DPF3: variants seen among roughly 807,000 people sequenced by gnomAD.
DPF3 encodes double PHD fingers 3.
DPF3 carries 18 observed loss-of-function variants against 56.8 expected under a neutral mutation model. The observed-to-expected ratio is 0.32, with a 90% CI of 0.22 to 0.47. The LOEUF (loss-of-function observed/expected upper bound fraction) is 0.47, where lower values mean the gene tolerates loss of function less well. DPF3 is among the 20% of genes least tolerant of loss of function. The pLI, the probability that DPF3 is intolerant of heterozygous loss-of-function variation, is 1.00. For missense variants in DPF3, 403 were observed against 488.8 expected, an observed-to-expected ratio of 0.82 and a Z score of 1.65; for synonymous variants, 188 against 180.2, an observed-to-expected ratio of 1.04 and a Z score of -0.35.
chr14:72,878,545 C>T (rs1886203294), intron 1 of DPF3, among the ~76,000 whole-genome samples: 1 of 152,198 alleles, frequency 6.6e-6, no homozygotes, highest in Non-Finnish European at 1.5e-5. Flanking sequence ...CATTACAGTG[C>T]TTTGCATCTT....
chr14:72,885,694 T>C (rs4903077), intron 1 of DPF3, among the ~76,000 whole-genome samples: 143,691 of 152,236 alleles, frequency 0.94, 67,926 homozygotes, highest in East Asian at 1. Flanking sequence ...TGAGCCTAGC[T>C]TAGTCCCTAG....
intron 1 of DPF3, among the ~76,000 whole-genome samples, chr14:72,855,421 G>C (rs565723039): frequency 6.6e-6 from 1 of 152,304 alleles, no homozygotes; most frequent in East Asian, 1.9e-4. Flanking sequence ...TACAGAAAAA[G>C]TAACTAAGGC....
intron 3 of DPF3, among the ~76,000 whole-genome samples, chr14:72,737,516 C>A (rs1194981270): frequency 1.3e-5 from 2 of 152,182 alleles, no homozygotes; most frequent in Non-Finnish European, 2.9e-5. Flanking sequence ...GCTCCCCAAG[C>A]CTCTGACTCC....
intron 1 of DPF3, among the ~76,000 whole-genome samples, chr14:72,866,926 A>G (rs1885696938): frequency 6.7e-6 from 1 of 149,558 alleles, no homozygotes; most frequent in Non-Finnish European, 1.5e-5. Context: ...TGCCTAGCCC[A>G]CTGGTACTCA....
intron 1 of DPF3, among the ~76,000 whole-genome samples, chr14:72,871,338 C>T (rs1398487207): frequency 6.6e-6 from 1 of 152,208 alleles, no homozygotes; most frequent in Non-Finnish European, 1.5e-5. Flanking sequence ...TAATTCATTT[C>T]AGCATTAACC....
chr14:72,619,767 G>A lies in DPF3; in HGVS notation c.1066+136C>T, dbSNP rs568101981. Reference sequence around the variant, plus strand: ...GCAGTCGTCGTACCTACCTTGTGGGGTTGTGATGATTAAATGAGACAAGAC... The same window carrying A: ...GCAGTCGTCGTACCTACCTTGTGGGATTGTGATGATTAAATGAGACAAGAC... On this transcript the variant is annotated intron_variant, in intron 10 of 10. Transcript: ENST00000556509. 75 of 846,340 alleles carry A rather than the reference G, an allele frequency of 8.9e-5. No homozygotes were observed. The South Asian group carries it at 1.7e-3, about 19-fold the overall frequency. 52.4% of individuals were successfully genotyped at this position (846,340 alleles called of 1,614,324 possible). A position where few individuals can be genotyped will look rare whatever the true frequency, so the allele number is the denominator to read the frequency against.
At chr14:72,745,841 T>C (rs1040227966) in intron 3 of DPF3, among the ~76,000 whole-genome samples, 1 of 152,038 alleles carries the variant, frequency 6.6e-6, no homozygotes, top group African/African-American at 2.4e-5. Context: ...GGAATAAAAA[T>C]AAGAGATAGT....
intron 1 of DPF3, among the ~76,000 whole-genome samples, chr14:72,889,534 CA>C (rs1478940975): frequency 1.3e-5 from 2 of 152,168 alleles, no homozygotes; most frequent in Non-Finnish European, 2.9e-5. Context: ...AGTACCTACC[CA>C]CATCCCCCCA....
intron 1 of DPF3, among the ~76,000 whole-genome samples, chr14:72,893,558 C>T (rs1886860706): frequency 6.6e-6 from 1 of 152,044 alleles, no homozygotes; most frequent in African/African-American, 2.4e-5. Context: ...CCGGAGCCTC[C>T]GCGGTCCGTC....
intron 3 of DPF3, among the ~76,000 whole-genome samples, chr14:72,748,231 G>T (rs1036926772): frequency 1.3e-5 from 2 of 152,204 alleles, no homozygotes; most frequent in African/African-American, 4.8e-5. Flanking sequence ...TGAAAAATTT[G>T]TTGGGAACTA....
intron 8 of DPF3, among the ~76,000 whole-genome samples, chr14:72,632,202 T>G (rs1182209354): frequency 6.6e-6 from 1 of 152,274 alleles, no homozygotes; most frequent in Non-Finnish European, 1.5e-5. Flanking sequence ...AGGAGCACTC[T>G]TTAGCATGAG....
At chr14:72,699,669 G>A (rs911623778) in intron 6 of DPF3, among the ~76,000 whole-genome samples, 3 of 152,214 alleles carry the variant, frequency 2.0e-5, no homozygotes, top group African/African-American at 4.8e-5. Context: ...TGTTTACCAC[G>A]GACCAGGCCC....
At chr14:72,666,736 G>A (rs1278220711) in intron 8 of DPF3, among the ~76,000 whole-genome samples, 2 of 152,120 alleles carry the variant, frequency 1.3e-5, no homozygotes, top group African/African-American at 4.8e-5. Flanking sequence ...TGAGCCCAGA[G>A]CCCAGAACTT....
chr14:72,696,023 T>C (rs1015505196), intron 6 of DPF3, among the ~76,000 whole-genome samples: 11 of 152,196 alleles, frequency 7.2e-5, no homozygotes, highest in African/African-American at 2.7e-4. Context: ...CTGGATCTGC[T>C]TGTGGCTTTT....
At chr14:72,764,760 G>A (rs1235292022) in intron 2 of DPF3, among the ~76,000 whole-genome samples, 2 of 151,988 alleles carry the variant, frequency 1.3e-5, no homozygotes, top group African/African-American at 4.8e-5. Flanking sequence ...CAAAGTGCTG[G>A]GATTACAGGC....
rs76504456 is a variant in DPF3, at chr14:72,795,495, G to A, written c.33-23602C>T. Among the ~76,000 whole-genome samples, 1,283 of 152,092 alleles carry A rather than the reference G, an allele frequency of 8.4e-3. 18 individuals are homozygous for A. The highest frequency in any genetic ancestry group is 0.029 in the African/African-American group (1,212 of 41,468). ...CTAAGGAATAAAGAACAAAATGCAC[G>A]CAGAATCTTTCACACCATGTCTGGC... On this transcript the variant is annotated intron_variant, in intron 1 of 10. Transcript: ENST00000556509.
At chr14:72,680,245 C>A (rs1235668663) in intron 7 of DPF3, among the ~76,000 whole-genome samples, 1 of 152,258 alleles carries the variant, frequency 6.6e-6, no homozygotes. Context: ...CCAGGCCTGA[C>A]ACCTTTTTTC....
chr14:72,723,855 T>C (rs957219071), intron 4 of DPF3, 127 bp from the exon 5 acceptor site: 139 of 855,708 alleles, frequency 1.6e-4, no homozygotes, highest in Non-Finnish European at 2.2e-4. Flanking sequence ...CTGCCTTTGC[T>C]TGGGCAGTTG....
intron 1 of DPF3, among the ~76,000 whole-genome samples, chr14:72,847,908 G>A (rs1884824851): frequency 6.6e-6 from 1 of 152,162 alleles, no homozygotes; most frequent in Non-Finnish European, 1.5e-5. Context: ...ATCCCTTGTG[G>A]CCAGGTGTGG....
Sources: allele counts gnomAD v4.1 joint callset (sites outside exome capture counted in the v4.1 genomes callset), GRCh38; gene constraint gnomAD v4.1.1; transcripts MANE v1.5; gene names NCBI Gene and HGNC (gene_info 2026-07-23, HGNC 2026-07-21).